ENTPD1: variants seen among roughly 807,000 people sequenced by gnomAD.
ENTPD1 encodes the protein ATP diphosphohydrolase.
ENTPD1 carries 33 observed loss-of-function variants against 57.0 expected under a neutral mutation model. The ratio of observed to expected loss-of-function variants is 0.58; its 90% CI spans 0.44 to 0.77. The LOEUF is 0.77. Among genes scored for constraint, ENTPD1 ranks in the 30% least tolerant of loss-of-function variants. The pLI, the probability that ENTPD1 is intolerant of heterozygous loss-of-function variation, is 0.00. For missense variants in ENTPD1, 501 were observed against 603.4 expected (o/e 0.83, Z 1.78); for synonymous variants, 202 against 218.8 (o/e 0.92, Z 0.68).
chr10:95,710,159 C>T (rs1370029704), upstream of ENTPD1, among the ~76,000 whole-genome samples: 1 of 151,938 alleles, frequency 6.6e-6, no homozygotes, highest in African/African-American at 2.4e-5. Flanking sequence ...AATCCCAGCA[C>T]TTTGGGAGAC....
intron 1 of ENTPD1, among the ~76,000 whole-genome samples, chr10:95,786,204 A>G (rs1361203688): frequency 6.6e-6 from 1 of 152,090 alleles, no homozygotes; most frequent in African/African-American, 2.4e-5. Flanking sequence ...CCTTCCCATA[A>G]TGACTCAAAA....
chr10:95,750,354 C>A (rs957536130), intron 1 of ENTPD1, among the ~76,000 whole-genome samples: 1 of 152,078 alleles, frequency 6.6e-6, no homozygotes, highest in Non-Finnish European at 1.5e-5. Flanking sequence ...GTCCTGGGGG[C>A]AGATCCCTCA....
At chr10:95,844,450 A>T (rs2098429787) in intron 4 of ENTPD1, 26 bp from the exon 5 acceptor site, 1 of 1,613,666 alleles carries the variant, frequency 6.2e-7, no homozygotes, top group African/African-American at 1.3e-5. Context: ...AACAAAAATG[A>T]TAACCTCAGC....
intron 1 of ENTPD1, among the ~76,000 whole-genome samples, chr10:95,747,585 C>A (rs1171943496): frequency 6.6e-6 from 1 of 152,158 alleles, no homozygotes; most frequent in African/African-American, 2.4e-5. Flanking sequence ...ACTACTTAGT[C>A]CAATTTATGT....
intron 2 of ENTPD1, chr10:95,833,678 T>A (rs2098402782): frequency 6.6e-6 from 1 of 152,374 alleles, no homozygotes; most frequent in Non-Finnish European, 1.5e-5. Flanking sequence ...TGGTAATTTA[T>A]AATATAAAGA....
Position 95,866,257 on chromosome 10 carries a change from C to T in ENTPD1, c.1407C>T (p.Ser469=). 6.2e-7 allele frequency: 1 copy of T among 1,614,174 alleles called. No individual in the cohort carries two copies. Among genetic ancestry groups the T allele is most frequent in the Non-Finnish European group, 8.5e-7 (1 of 1,180,030 alleles). ...TNMIPAEQPL[S]TPLSHSTYVF... The stretch of plus-strand genomic sequence containing the variant: ...TGATCCCAGCTGAGCAACCATTGTC[C>T]ACACCTCTCTCCCACTCCACCTATG... The change falls in exon 10 of 10, where the codon TCC becomes TCT. Residue 469 remains serine (S), a synonymous_variant. Coordinates refer to ENST00000371205, the MANE Select transcript of ENTPD1 (RefSeq NM_001776.6).
intron 2 of ENTPD1, among the ~76,000 whole-genome samples, chr10:95,826,571 C>CAAA (rs35615283): frequency 4.6e-5 from 5 of 107,964 alleles, no homozygotes; most frequent in South Asian, 3.2e-4. Flanking sequence ...GACGCCAACT[C>CAAA]AAAAAAAAAA....
chr10:95,773,205 TC>T (rs1322286648), intron 1 of ENTPD1, among the ~76,000 whole-genome samples: 4 of 152,060 alleles, frequency 2.6e-5, no homozygotes, highest in Non-Finnish European at 5.9e-5. Context: ...ACCAAACACC[TC>T]CCATTTGGCC....
intron 1 of ENTPD1, among the ~76,000 whole-genome samples, chr10:95,743,506 T>C (rs1228503851): frequency 6.6e-6 from 1 of 152,192 alleles, no homozygotes; most frequent in East Asian, 1.9e-4. Context: ...GAGTGGAGTA[T>C]TTATGTAACT....
chr10:95,860,189 CTCTCT>C (rs1454911732), intron 7 of ENTPD1, among the ~76,000 whole-genome samples: 1 of 152,156 alleles, frequency 6.6e-6, no homozygotes, highest in Non-Finnish European at 1.5e-5. Context: ...ACCCCTTTCT[CTCTCT>C]TTTCTTATTC....
chr10:95,766,252 A>T (rs2098087875), intron 1 of ENTPD1, among the ~76,000 whole-genome samples: 1 of 152,160 alleles, frequency 6.6e-6, no homozygotes, highest in African/African-American at 2.4e-5. Flanking sequence ...TGTATTTCCT[A>T]AGAACAAAGA....
Position 95,866,872 on chromosome 10 carries a change from T to C in ENTPD1, c.*489T>C, listed in dbSNP as rs2098475107. On this transcript the variant is annotated 3_prime_UTR_variant, in exon 10 of 10. Coordinates refer to ENST00000371205, the MANE Select transcript of ENTPD1 (RefSeq NM_001776.6). ...TTGGAGAAGGCAGACACACATTCCATTCCCAGCCTGCTCTGTGGGTAGGAG... is the reference window on the plus strand; with the variant it reads ...TTGGAGAAGGCAGACACACATTCCACTCCCAGCCTGCTCTGTGGGTAGGAG... The C allele has an allele frequency of 6.8e-6, 7 of 1,029,500 alleles. No homozygotes were observed. Among genetic ancestry groups the C allele is most frequent in the Non-Finnish European group, 8.2e-6 (7 of 855,910 alleles). The allele number at this position is 1,029,500 out of a possible 1,614,324, so 63.8% of individuals were successfully genotyped here.
At chr10:95,710,410 AT>A, upstream of ENTPD1, among the ~76,000 whole-genome samples, 1 of 151,982 alleles carries the variant, frequency 6.6e-6, no homozygotes, top group East Asian at 1.9e-4. Flanking sequence ...TTTAAAAAAA[AT>A]TTTTTTTAAT....
chr10:95,752,597 C>T (rs948468031), upstream of ENTPD1, among the ~76,000 whole-genome samples: 18 of 152,016 alleles, frequency 1.2e-4, no homozygotes, highest in Admixed American at 9.2e-4. Context: ...GCAGGGGTTG[C>T]GGTGAGCCGA....
Position 95,876,034 on chromosome 10 carries a change from C to CA in ENTPD1, c.*9655dup. ...TGCTATATGACACAATAATTATTTGCAAAATGAGTAAACATATCATAAGGA... is the reference window on the plus strand; with the variant it reads ...TGCTATATGACACAATAATTATTTGCAAAAATGAGTAAACATATCATAAGGA... On this transcript the variant is annotated 3_prime_UTR_variant, in exon 10 of 10. Transcript: ENST00000371205. 1 of 985,238 alleles carries CA rather than the reference C, an allele frequency of 1.0e-6. No individual in the cohort carries two copies. The highest frequency in any genetic ancestry group is 1.2e-6 in the Non-Finnish European group (1 of 829,852). The allele number at this position is 985,238 out of a possible 1,614,324, so 61.0% of individuals were successfully genotyped here. A position where few individuals can be genotyped will look rare whatever the true frequency, so the allele number is the denominator to read the frequency against.
intron 1 of ENTPD1, among the ~76,000 whole-genome samples, chr10:95,727,401 T>C (rs2097984801): frequency 6.6e-6 from 1 of 152,208 alleles, no homozygotes; most frequent in Non-Finnish European, 1.5e-5. Context: ...ACCTCCTGTT[T>C]GGAAGTTGTC....
chr10:95,870,092 C>T lies in ENTPD1; in HGVS notation c.*3709C>T. The T allele has an allele frequency of 1.0e-6, 1 of 985,334 alleles. No homozygotes were observed. Among genetic ancestry groups the T allele is most frequent in the Non-Finnish European group, 1.2e-6 (1 of 829,904 alleles). 61.0% of individuals were successfully genotyped at this position (985,334 alleles called of 1,614,324 possible). On this transcript the variant is annotated 3_prime_UTR_variant, in exon 10 of 10. Transcript: ENST00000371205. ...TTATTTATTATATATGACATTATTC[C>T]TAAAAAAGCTTTTGAGATCCTAGGT...
intron 1 of ENTPD1, among the ~76,000 whole-genome samples, chr10:95,800,721 C>T (rs1042985606): frequency 6.6e-6 from 1 of 152,144 alleles, no homozygotes; most frequent in Non-Finnish European, 1.5e-5. Flanking sequence ...AGGCTTTCTG[C>T]AAGAAGAAAA....
intron 1 of ENTPD1, among the ~76,000 whole-genome samples, chr10:95,739,196 A>G (rs529698607): frequency 2.4e-4 from 36 of 152,324 alleles, no homozygotes; most frequent in Admixed American, 5.9e-4. Flanking sequence ...CTGCTGACTG[A>G]TCAGCGTGGT....
Sources: allele counts gnomAD v4.1 joint callset (sites outside exome capture counted in the v4.1 genomes callset), GRCh38; gene constraint gnomAD v4.1.1; transcripts MANE v1.5; gene names NCBI Gene and HGNC (gene_info 2026-07-23, HGNC 2026-07-21).